Variants in CDH4 observed in about 807,000 individuals in gnomAD.
CDH4 encodes cadherin 4, also known as cadherin-4.
In CDH4, 33 loss-of-function variants were observed where a neutral mutation model predicts 86.0. The ratio of observed to expected loss-of-function variants is 0.38; its 90% CI spans 0.29 to 0.51. CDH4 has a LOEUF of 0.51. Ranked by LOEUF, CDH4 falls within the 20% of genes least tolerant of loss-of-function variation. CDH4 has a pLI of 0.86. For missense variants in CDH4, 1,114 were observed against 1,307.4 expected (o/e 0.85, Z 2.28); for synonymous variants, 555 against 549.4 (o/e 1.01, Z -0.14).
At chr20:61,348,804 A>T (rs1357582475) in intron 2 of CDH4, among the ~76,000 whole-genome samples, 1 of 152,166 alleles carries the variant, frequency 6.6e-6, no homozygotes, top group African/African-American at 2.4e-5. Context: ...AAACCCTCTG[A>T]TGGCCGCCAG....
Position 61,587,998 on chromosome 20 carries a change from AT to A in CDH4, c.170-155562del, listed in dbSNP as rs1477244274. ...TAAAAATGTCTGTAAAAGTGTACAG[AT>A]TTGTTTTCCGTGGCATTTTAAAAAC... On this transcript the variant is annotated intron_variant, in intron 2 of 15. Coordinates refer to ENST00000614565, the MANE Select transcript of CDH4 (RefSeq NM_001794.5). 4.6e-5 allele frequency among the ~76,000 whole-genome samples: 7 copies of A among 152,242 alleles called. No homozygotes were observed. In the South Asian group the frequency reaches 1.0e-3, roughly 23 times the overall value.
chr20:61,257,466 G>A (rs1009313030), intron 2 of CDH4, among the ~76,000 whole-genome samples: 1 of 152,252 alleles, frequency 6.6e-6, no homozygotes, highest in Admixed American at 6.5e-5. Context: ...GCGGAGCCGC[G>A]AAGTATGGAA....
chr20:61,503,210 G>A (rs952234735), intron 2 of CDH4, among the ~76,000 whole-genome samples: 5 of 152,278 alleles, frequency 3.3e-5, no homozygotes, highest in African/African-American at 9.6e-5. Context: ...TGATCAGGGC[G>A]AGGTCTTTGG....
intron 2 of CDH4, among the ~76,000 whole-genome samples, chr20:61,646,055 G>A (rs1355446621): frequency 6.6e-6 from 1 of 152,178 alleles, no homozygotes; most frequent in African/African-American, 2.4e-5. Context: ...GTGAGCTCAG[G>A]AGAAATATTC....
intron 2 of CDH4, among the ~76,000 whole-genome samples, chr20:61,309,306 T>G (rs1254506658): frequency 6.6e-6 from 1 of 152,016 alleles, no homozygotes; most frequent in Non-Finnish European, 1.5e-5. Context: ...TGGGGGCGCC[T>G]CACTGTGATG....
chr20:61,343,236 G>A (rs73138316), intron 2 of CDH4, among the ~76,000 whole-genome samples: 19,946 of 152,238 alleles, frequency 0.13, 1,710 homozygotes, highest in East Asian at 0.32. Flanking sequence ...CATGCGTAAT[G>A]TGGATAAGTA....
intron 3 of CDH4, among the ~76,000 whole-genome samples, chr20:61,771,827 G>T (rs2088779487): frequency 6.6e-6 from 1 of 152,152 alleles, no homozygotes; most frequent in Admixed American, 6.5e-5. Context: ...TTGTGCTCTG[G>T]TATTTTTACT....
rs191886763 is a variant in CDH4 at position 61,637,210 on chromosome 20, G to T, written c.170-106353G>T. Among the ~76,000 whole-genome samples, 269 of 152,322 alleles carry T rather than the reference G, an allele frequency of 1.8e-3. 3 individuals carry two copies. Among genetic ancestry groups the T allele is most frequent in the African/African-American group, 6.2e-3 (259 of 41,570 alleles). On this transcript the variant is annotated intron_variant, in intron 2 of 15. Transcript: ENST00000614565. ...AGGGGTCCCAAGCACCCTCTCCCAG[G>T]AAAGGGGCACGAGGAAGCTAGTGAG...
intron 3 of CDH4, among the ~76,000 whole-genome samples, chr20:61,766,558 G>A (rs181519642): frequency 2.9e-4 from 44 of 152,320 alleles, no homozygotes; most frequent in South Asian, 2.7e-3. Flanking sequence ...ACACCTGGCA[G>A]GGGGGCTTCC....
chr20:61,882,654 C>G (rs1452465857), intron 7 of CDH4, among the ~76,000 whole-genome samples: 1 of 152,158 alleles, frequency 6.6e-6, no homozygotes, highest in Non-Finnish European at 1.5e-5. Flanking sequence ...CTGTGTGCGG[C>G]TGTTTTCCCT....
chr20:61,871,916 G>A (rs1405386356), intron 6 of CDH4, among the ~76,000 whole-genome samples: 1 of 152,196 alleles, frequency 6.6e-6, no homozygotes, highest in African/African-American at 2.4e-5. Flanking sequence ...GAAAGCTGAA[G>A]CAAACTCCTA....
At chr20:61,611,938 T>C (rs2145760517) in intron 2 of CDH4, among the ~76,000 whole-genome samples, 1 of 152,226 alleles carries the variant, frequency 6.6e-6, no homozygotes, top group African/African-American at 2.4e-5. Context: ...TGTGGGGGGA[T>C]ACGGGCGAGT....
chr20:61,896,295 G>A (rs79623341), intron 8 of CDH4, among the ~76,000 whole-genome samples: 1,846 of 152,300 alleles, frequency 0.012, 41 homozygotes, highest in African/African-American at 0.042. Context: ...GGAGGGAGAC[G>A]CTCCTCCCGG....
chr20:61,473,112 G>A (rs544390538), intron 2 of CDH4, among the ~76,000 whole-genome samples: 2 of 152,196 alleles, frequency 1.3e-5, no homozygotes, highest in South Asian at 4.2e-4. Context: ...TTACATCATC[G>A]AATGTGGAGT....
At chr20:61,371,665 C>T (rs2084841235) in intron 2 of CDH4, among the ~76,000 whole-genome samples, 1 of 152,228 alleles carries the variant, frequency 6.6e-6, no homozygotes, top group Non-Finnish European at 1.5e-5. Flanking sequence ...GTGTGTGTTA[C>T]CAGCTTCGTG....
intron 2 of CDH4, among the ~76,000 whole-genome samples, chr20:61,723,521 G>A (rs2088067627): frequency 6.6e-6 from 1 of 152,132 alleles, no homozygotes; most frequent in South Asian, 2.1e-4. Context: ...GGCATGATGG[G>A]CACCTGAGAC....
intron 2 of CDH4, among the ~76,000 whole-genome samples, chr20:61,429,414 C>T (rs941933193): frequency 6.6e-6 from 1 of 152,194 alleles, no homozygotes; most frequent in African/African-American, 2.4e-5. Context: ...TATAGCAAAT[C>T]GTATGCCAGA....
intron 2 of CDH4, among the ~76,000 whole-genome samples, chr20:61,687,927 G>A (rs1022953351): frequency 6.6e-6 from 1 of 152,132 alleles, no homozygotes; most frequent in African/African-American, 2.4e-5. Context: ...TTTCTCAGCA[G>A]GAAATGAAGT....
chr20:61,695,913 C>A (rs1292929398), intron 2 of CDH4, among the ~76,000 whole-genome samples: 2 of 152,178 alleles, frequency 1.3e-5, no homozygotes, highest in African/African-American at 4.8e-5. Flanking sequence ...GTGGGGTCTC[C>A]AGGCCCGGCC....
Sources: gnomAD v4.1 joint callset for allele counts (sites outside exome capture counted in the v4.1 genomes callset) on GRCh38, gnomAD v4.1.1 for gene constraint, MANE v1.5 for transcripts, NCBI Gene and HGNC (gene_info 2026-07-23, HGNC 2026-07-21) for gene names.